APBB2: variants seen among roughly 807,000 people sequenced by gnomAD.
The protein encoded by APBB2 is Fe65-like 1.
Under a neutral mutation model 82.5 loss-of-function variants are expected in APBB2, and 38 were observed. That is an observed-to-expected ratio of 0.46 (90% CI 0.36 to 0.60). APBB2 has a LOEUF of 0.60. Ranked by LOEUF, APBB2 falls within the 20% of genes least tolerant of loss-of-function variation. APBB2 has a pLI of 0.00. For synonymous variants in APBB2, 341 were observed against 368.2 expected (o/e 0.93, Z 0.85); for missense variants, 772 against 972.3 (o/e 0.79, Z 2.74).
chr4:40,958,590 T>C (rs150786295), intron 6 of APBB2, among the ~76,000 whole-genome samples: 236 of 152,288 alleles, frequency 1.5e-3, no homozygotes, highest in African/African-American at 5.5e-3. Flanking sequence ...CAATTTTTGA[T>C]AATCTTCTAT....
chr4:41,136,585 G>A (rs191106218), intron 2 of APBB2, among the ~76,000 whole-genome samples: 1 of 152,264 alleles, frequency 6.6e-6, no homozygotes, highest in Admixed American at 6.5e-5. Context: ...AGAAGATTAC[G>A]AAGAAAGCAG....
intron 2 of APBB2, among the ~76,000 whole-genome samples, chr4:41,119,764 A>G (rs913554380): frequency 1.3e-5 from 2 of 152,186 alleles, no homozygotes; most frequent in African/African-American, 4.8e-5. Context: ...AGATCTGCAC[A>G]TATAAAAAGT....
At chr4:41,164,755 AC>A (rs1553972382) in intron 1 of APBB2, among the ~76,000 whole-genome samples, 1 of 152,236 alleles carries the variant, frequency 6.6e-6, no homozygotes, top group Non-Finnish European at 1.5e-5. Flanking sequence ...TAACATACAT[AC>A]AAAGGGTAAA....
intron 3 of APBB2, among the ~76,000 whole-genome samples, chr4:41,092,881 A>G (rs1742255610): frequency 6.6e-6 from 1 of 152,142 alleles, no homozygotes; most frequent in Admixed American, 6.5e-5. Flanking sequence ...CAATGTTTTA[A>G]GAGATCCATT....
At chr4:40,945,592 G>C (rs980151093) in intron 6 of APBB2, among the ~76,000 whole-genome samples, 4 of 152,092 alleles carry the variant, frequency 2.6e-5, no homozygotes, top group Non-Finnish European at 5.9e-5. Flanking sequence ...AATAGCAATA[G>C]TAGTAGTCTT....
intron 6 of APBB2, among the ~76,000 whole-genome samples, chr4:40,973,809 T>C (rs1796506739): frequency 6.6e-6 from 1 of 151,818 alleles, no homozygotes; most frequent in Non-Finnish European, 1.5e-5. Context: ...TGGATTCACC[T>C]GGCATTCTCT....
intron 4 of APBB2, among the ~76,000 whole-genome samples, chr4:41,062,578 T>C (rs1730267634): frequency 6.6e-6 from 1 of 151,948 alleles, no homozygotes; most frequent in African/African-American, 2.4e-5. Flanking sequence ...GACTGAGGGA[T>C]CAACACCGGG....
At chr4:41,085,111 C>T (rs1024807526) in intron 3 of APBB2, among the ~76,000 whole-genome samples, 57 of 151,832 alleles carry the variant, frequency 3.8e-4, no homozygotes, top group African/African-American at 1.3e-3. Context: ...ATTAGCTGGG[C>T]GTGGTGATGC....
chr4:41,194,641 G>A, intron 1 of APBB2, among the ~76,000 whole-genome samples: 4 of 152,120 alleles, frequency 2.6e-5, no homozygotes, highest in African/African-American at 9.7e-5. Context: ...TCTAGCCTTG[G>A]TGACAGAGCA....
At chr4:40,961,444 T>C (rs2154392923) in intron 6 of APBB2, among the ~76,000 whole-genome samples, 1 of 122,468 alleles carries the variant, frequency 8.2e-6, no homozygotes, top group South Asian at 2.6e-4. Flanking sequence ...AATTGAACAA[T>C]GAGATCACAT....
Position 40,833,855 on chromosome 4 carries a change from T to C in APBB2, c.1530-3278A>G, listed in dbSNP as rs1386875127. 4.6e-5 allele frequency among the ~76,000 whole-genome samples: 7 copies of C among 152,350 alleles called. No individual in the cohort carries two copies. In the East Asian group the frequency reaches 1.3e-3, roughly 29 times the overall value. On this transcript the variant is annotated intron_variant, in intron 12 of 17. Coordinates refer to ENST00000508593, the MANE Select transcript of APBB2 (RefSeq NM_004307.2). ...GCCCCAGCGTGCAACATCCCAAGGTTACCGACACGGCGGATGAACAGGTCC... is the reference window on the plus strand; with the variant it reads ...GCCCCAGCGTGCAACATCCCAAGGTCACCGACACGGCGGATGAACAGGTCC...
At chr4:41,037,419 G>A (rs1719659978) in intron 4 of APBB2, among the ~76,000 whole-genome samples, 1 of 152,054 alleles carries the variant, frequency 6.6e-6, no homozygotes, top group African/African-American at 2.4e-5. Context: ...TTCTACTTCT[G>A]GAATACATAG....
At chr4:40,932,851 CTTG>C (rs1300247234) in intron 10 of APBB2, among the ~76,000 whole-genome samples, 9 of 151,916 alleles carry the variant, frequency 5.9e-5, no homozygotes, top group African/African-American at 2.2e-4. Flanking sequence ...TTTCTCTTGG[CTTG>C]TTAAGATGTT....
intron 15 of APBB2, among the ~76,000 whole-genome samples, chr4:40,824,269 A>G (rs1749092344): frequency 6.6e-6 from 1 of 152,138 alleles, no homozygotes; most frequent in South Asian, 2.1e-4. Context: ...TATGCAGACC[A>G]TGGCCCTTCA....
chr4:41,191,326 A>G (rs1229250541), intron 1 of APBB2, among the ~76,000 whole-genome samples: 5 of 152,236 alleles, frequency 3.3e-5, no homozygotes. Context: ...AATCTGCAAC[A>G]ATCTAATTCC....
chr4:41,161,170 CAAAAAAAA>C (rs33917178), intron 1 of APBB2, among the ~76,000 whole-genome samples: 4 of 86,252 alleles, frequency 4.6e-5, no homozygotes, highest in Non-Finnish European at 4.6e-5. Flanking sequence ...TCTTCCCTGG[CAAAAAAAA>C]AAAAAAAAAA....
intron 17 of APBB2, among the ~76,000 whole-genome samples, chr4:40,819,153 G>C (rs961327100): frequency 6.7e-6 from 1 of 150,030 alleles, no homozygotes; most frequent in Non-Finnish European, 1.5e-5. Flanking sequence ...TAATTCGTAG[G>C]CTAAGTCCCT....
intron 12 of APBB2, among the ~76,000 whole-genome samples, chr4:40,847,116 T>G (rs1201276434): frequency 6.6e-6 from 1 of 152,194 alleles, no homozygotes; most frequent in Admixed American, 6.5e-5. Flanking sequence ...CTACCTGAAC[T>G]GTGAAACCAT....
At chr4:40,927,651 T>C (rs749350960) in intron 10 of APBB2, among the ~76,000 whole-genome samples, 3 of 152,086 alleles carry the variant, frequency 2.0e-5, no homozygotes, top group Admixed American at 6.5e-5. Flanking sequence ...TAGGCTAATA[T>C]TTGCATTTTT....
Sources: allele counts gnomAD v4.1 joint callset (sites outside exome capture counted in the v4.1 genomes callset), GRCh38; gene constraint gnomAD v4.1.1; transcripts MANE v1.5; gene names NCBI Gene and HGNC (gene_info 2026-07-23, HGNC 2026-07-21).